ACVR1: variants seen among roughly 807,000 people sequenced by gnomAD.
The protein encoded by ACVR1 is activin A receptor type 1, also known as activin receptor type-1.
A neutral mutation model predicts 57.1 loss-of-function variants in ACVR1; 38 were observed. That is an observed-to-expected ratio of 0.67 (90% CI 0.51 to 0.87). The LOEUF (loss-of-function observed/expected upper bound fraction) is 0.87, where lower values mean the gene tolerates loss of function less well. ACVR1 is among the 40% of genes least tolerant of loss of function. ACVR1 has a pLI of 0.00. For missense variants in ACVR1, 463 were observed against 638.2 expected (o/e 0.73, Z 2.96); for synonymous variants, 212 against 228.1 (o/e 0.93, Z 0.63).
chr2:157,809,251 C>A (rs1286238844), intron 2 of ACVR1, among the ~76,000 whole-genome samples: 3 of 152,078 alleles, frequency 2.0e-5, no homozygotes, highest in Non-Finnish European at 4.4e-5. Flanking sequence ...GAAAAGAATT[C>A]TCTTAGTGGT....
chr2:157,817,664 G>A (rs2105328261), intron 2 of ACVR1, among the ~76,000 whole-genome samples: 1 of 152,178 alleles, frequency 6.6e-6, no homozygotes, highest in Non-Finnish European at 1.5e-5. Flanking sequence ...CAATTTTGCT[G>A]TGAACCTAAA....
intron 5 of ACVR1, 104 bp downstream of exon 5, chr2:157,778,027 A>G: frequency 5.0e-6 from 6 of 1,203,192 alleles, no homozygotes; most frequent in South Asian, 3.8e-5. Context: ...ATGTGTGTAC[A>G]CTGTTCAGTC....
At chr2:157,864,018 C>T (rs1156371079) in intron 1 of ACVR1, among the ~76,000 whole-genome samples, 4 of 151,054 alleles carry the variant, frequency 2.6e-5, no homozygotes, top group Admixed American at 6.6e-5. Flanking sequence ...CCACCATGCC[C>T]GACTAAATTT....
intron 1 of ACVR1, among the ~76,000 whole-genome samples, chr2:157,851,896 CACACA>C (rs1188648674): frequency 2.4e-4 from 5 of 20,642 alleles, no homozygotes; most frequent in Non-Finnish European, 2.0e-4. Context: ...CACACACACA[CACACA>C]CACACACACC....
intron 1 of ACVR1, among the ~76,000 whole-genome samples, chr2:157,854,249 C>G (rs1339747261): frequency 1.3e-5 from 2 of 150,542 alleles, no homozygotes. Flanking sequence ...CATTTCATAC[C>G]TATCTTCCAC....
At chr2:157,846,466 A>T (rs1689128336) in intron 1 of ACVR1, among the ~76,000 whole-genome samples, 1 of 152,166 alleles carries the variant, frequency 6.6e-6, no homozygotes, top group Non-Finnish European at 1.5e-5. Context: ...AGCTCATCCC[A>T]TTTAATTCTG....
chr2:157,835,261 C>G (rs1688739621), intron 1 of ACVR1, among the ~76,000 whole-genome samples: 1 of 152,156 alleles, frequency 6.6e-6, no homozygotes, highest in Non-Finnish European at 1.5e-5. Context: ...GCGGTCCTGC[C>G]ATGCGCTATC....
chr2:157,826,002 C>T (rs1030749348), intron 1 of ACVR1, among the ~76,000 whole-genome samples: 1 of 152,200 alleles, frequency 6.6e-6, no homozygotes, highest in Non-Finnish European at 1.5e-5. Flanking sequence ...TCCTCATTAC[C>T]ATGAGACATC....
At position 157,737,374 on chromosome 2, in the gene ACVR1, C is replaced by G. The variant is rs1268798832; in HGVS notation, c.*157G>C. The G allele has an allele frequency of 1.0e-6, 1 of 980,208 alleles. No homozygotes were observed. 60.7% of individuals were successfully genotyped at this position (980,208 alleles called of 1,614,324 possible). ...GAGGTTAGGGTGGTTTTGATGTCTC[C>G]CCAACACATGGCTGGGTACGACGTC... On this transcript the variant is annotated 3_prime_UTR_variant, in exon 11 of 11. Coordinates refer to ENST00000434821, the MANE Select transcript of ACVR1 (RefSeq NM_001111067.4).
At position 157,850,588 on chromosome 2, in the gene ACVR1, C is replaced by A. The variant is rs141533827; in HGVS notation, c.-183+25208G>T. On this transcript the variant is annotated intron_variant, in intron 1 of 10. Transcript: ENST00000434821. ...AGCTGGCAGTTCAAGGGAACATATACATCTAGACTTGACAACATCTCTTAT... is the reference window on the plus strand; with the variant it reads ...AGCTGGCAGTTCAAGGGAACATATAAATCTAGACTTGACAACATCTCTTAT... Among the ~76,000 whole-genome samples, 211 of 152,312 alleles carry A rather than the reference C, an allele frequency of 1.4e-3. 1 individual carries two copies. The highest frequency in any genetic ancestry group is 6.8e-3 in the Middle Eastern group (2 of 294).
chr2:157,788,181 A>G (rs775781194), intron 3 of ACVR1, among the ~76,000 whole-genome samples: 2 of 152,210 alleles, frequency 1.3e-5, no homozygotes, highest in Non-Finnish European at 2.9e-5. Flanking sequence ...AGAAAAGCAC[A>G]GAGTGAACAA....
At position 157,791,126 on chromosome 2, in the gene ACVR1, C is replaced by T. The variant is rs566771780; in HGVS notation, c.67+8301G>A. ...ACCCAGCTCCATGTGGAATGCAGGCCTTTCCTGTCCATACGCCTCATGCTA... is the reference window on the plus strand; with the variant it reads ...ACCCAGCTCCATGTGGAATGCAGGCTTTTCCTGTCCATACGCCTCATGCTA... On this transcript the variant is annotated intron_variant, in intron 3 of 10. Transcript: ENST00000434821. Among the ~76,000 whole-genome samples the T allele has an allele frequency of 3.3e-5, 5 of 152,338 alleles. 1 individual carries two copies. The South Asian group carries it at 1.0e-3, about 32-fold the overall frequency.
chr2:157,796,238 AATT>A (rs1687114820), intron 3 of ACVR1, among the ~76,000 whole-genome samples: 1 of 151,430 alleles, frequency 6.6e-6, no homozygotes, highest in Non-Finnish European at 1.5e-5. Context: ...AAAAAAAAAA[AATT>A]AAAAGGCAAA....
chr2:157,762,194 T>C (rs1052772856), intron 8 of ACVR1, among the ~76,000 whole-genome samples: 2 of 152,224 alleles, frequency 1.3e-5, no homozygotes, highest in African/African-American at 2.4e-5. Context: ...TATCCTTCAG[T>C]TACCCGCAGT....
intron 1 of ACVR1, among the ~76,000 whole-genome samples, chr2:157,822,354 G>C (rs928169028): frequency 5.3e-5 from 8 of 152,122 alleles, no homozygotes; most frequent in African/African-American, 9.7e-5. Context: ...CATTTAGTGA[G>C]CTCTTAGTTC....
chr2:157,741,773 CT>C (rs1684781379), intron 9 of ACVR1, among the ~76,000 whole-genome samples: 2 of 152,010 alleles, frequency 1.3e-5, no homozygotes, highest in South Asian at 4.1e-4. Flanking sequence ...GACAGTGGCA[CT>C]TGGCAGGGCT....
chr2:157,871,738 G>T (rs1005869744), intron 1 of ACVR1, among the ~76,000 whole-genome samples: 2 of 152,278 alleles, frequency 1.3e-5, no homozygotes, highest in East Asian at 1.9e-4. Context: ...GCCTAGAAGC[G>T]CACAGGAATA....
chr2:157,776,420 A>C (rs1337014014), intron 5 of ACVR1, among the ~76,000 whole-genome samples: 1 of 152,152 alleles, frequency 6.6e-6, no homozygotes, highest in African/African-American at 2.4e-5. Flanking sequence ...CAATAAACTC[A>C]TTTAATTTTC....
chr2:157,850,842 A>G (rs1313169089), intron 1 of ACVR1, among the ~76,000 whole-genome samples: 1 of 152,126 alleles, frequency 6.6e-6, no homozygotes, highest in Non-Finnish European at 1.5e-5. Flanking sequence ...CTGTAATCCC[A>G]GCTACGCAGG....
Sources: allele counts gnomAD v4.1 joint callset (sites outside exome capture counted in the v4.1 genomes callset), GRCh38; gene constraint gnomAD v4.1.1; transcripts MANE v1.5; gene names NCBI Gene and HGNC (gene_info 2026-07-23, HGNC 2026-07-21).